GABRA2: variants seen among roughly 807,000 people sequenced by gnomAD.
GABRA2 encodes gamma-aminobutyric acid type A receptor subunit alpha2.
A neutral mutation model predicts 48.7 loss-of-function variants in GABRA2; 16 were observed. The ratio of observed to expected loss-of-function variants is 0.33; its 90% confidence interval spans 0.22 to 0.50. GABRA2 has a LOEUF of 0.50. Ranked by LOEUF, GABRA2 falls within the 20% of genes least tolerant of loss-of-function variation. GABRA2 has a pLI of 0.98. For synonymous variants in GABRA2, 185 were observed against 184.5 expected, an observed-to-expected ratio of 1.00 and a Z score of -0.02; for missense variants, 275 against 535.6, an observed-to-expected ratio of 0.51 and a Z score of 4.80.
chr4:46,359,251 A>G (rs1712743960), intron 3 of GABRA2, among the ~76,000 whole-genome samples: 1 of 152,168 alleles, frequency 6.6e-6, no homozygotes, highest in Non-Finnish European at 1.5e-5. Flanking sequence ...ACCTAACACT[A>G]TCCAACACAT....
At chr4:46,328,848 A>G (rs1730847677) in intron 4 of GABRA2, among the ~76,000 whole-genome samples, 1 of 152,022 alleles carries the variant, frequency 6.6e-6, no homozygotes, top group Non-Finnish European at 1.5e-5. Flanking sequence ...TTGCCTCCTT[A>G]CTTATCTTGA....
intron 8 of GABRA2, among the ~76,000 whole-genome samples, chr4:46,278,057 T>C: frequency 6.6e-6 from 1 of 152,186 alleles, no homozygotes; most frequent in East Asian, 1.9e-4. Flanking sequence ...TAAGAAGTAG[T>C]TTTGTATACA....
intron 4 of GABRA2, among the ~76,000 whole-genome samples, chr4:46,319,299 G>A (rs1038534481): frequency 6.6e-6 from 1 of 151,570 alleles, no homozygotes; most frequent in African/African-American, 2.4e-5. Context: ...GACTGTTCCT[G>A]GAGTGATTTC....
At position 46,248,998 on chromosome 4, in the gene GABRA2, T is replaced by A. The variant is rs957917215; in HGVS notation, c.*1310A>T. ...TACCCATTAATAACTAGTAATTATA[T>A]AAAATTTAAAATTGTGTTTTCTAAT... On this transcript the variant is annotated 3_prime_UTR_variant, in exon 10 of 10. Coordinates refer to ENST00000381620, the MANE Select transcript of GABRA2 (RefSeq NM_000807.4). 12 of 150,042 alleles carry A rather than the reference T, an allele frequency of 8.0e-5. No homozygotes were observed. Among genetic ancestry groups the A allele is most frequent in the African/African-American group, 2.9e-4 (12 of 40,856 alleles). The allele number at this position is 150,042 out of a possible 1,614,324, so 9.3% of individuals were successfully genotyped here.
intron 4 of GABRA2, 104 bp downstream of exon 4, chr4:46,332,511 G>A (rs534100626): frequency 1.2e-4 from 81 of 686,228 alleles, no homozygotes; most frequent in Middle Eastern, 3.4e-4. Context: ...AAATAGACAT[G>A]AGACATATAC....
chr4:46,311,729 T>C (rs1204784646), intron 5 of GABRA2, among the ~76,000 whole-genome samples: 3 of 152,210 alleles, frequency 2.0e-5, no homozygotes, highest in East Asian at 3.9e-4. Flanking sequence ...CTTGTAAGCC[T>C]TATTAAATGA....
intron 3 of GABRA2, among the ~76,000 whole-genome samples, chr4:46,351,452 G>A (rs1300086553): frequency 6.6e-6 from 1 of 151,932 alleles, no homozygotes; most frequent in Non-Finnish European, 1.5e-5. Flanking sequence ...CTTAAACTCA[G>A]CATTCTTTGC....
intron 9 of GABRA2, among the ~76,000 whole-genome samples, chr4:46,257,088 G>C (rs1221685511): frequency 6.6e-6 from 1 of 151,488 alleles, no homozygotes; most frequent in Admixed American, 6.6e-5. Flanking sequence ...TGATGAATAA[G>C]GCAAAATATT....
At chr4:46,355,736 T>A (rs1735852487) in intron 3 of GABRA2, among the ~76,000 whole-genome samples, 1 of 152,148 alleles carries the variant, frequency 6.6e-6, no homozygotes, top group South Asian at 2.1e-4. Context: ...GGAAAATACA[T>A]TACAATCTAA....
chr4:46,390,142 T>C, upstream of GABRA2: 2 of 726,756 alleles, frequency 2.8e-6, no homozygotes, highest in Non-Finnish European at 3.3e-6. Flanking sequence ...GGAGGAGGAG[T>C]CAGGCCGGGT....
intron 8 of GABRA2, among the ~76,000 whole-genome samples, chr4:46,268,283 G>A (rs1324069380): frequency 6.6e-6 from 1 of 151,798 alleles, no homozygotes; most frequent in East Asian, 1.9e-4. Context: ...GAAAAAATTT[G>A]CAAGTCACAC....
At chr4:46,282,624 A>T (rs565085313) in intron 8 of GABRA2, among the ~76,000 whole-genome samples, 3 of 152,276 alleles carry the variant, frequency 2.0e-5, no homozygotes, top group Admixed American at 6.5e-5. Context: ...TCCTGCCCAG[A>T]TCTGTTTTTC....
chr4:46,330,963 T>A (rs1052145260), intron 4 of GABRA2, among the ~76,000 whole-genome samples: 2 of 152,020 alleles, frequency 1.3e-5, no homozygotes, highest in African/African-American at 4.8e-5. Context: ...CAAAATTATA[T>A]CTATAGCCAA....
chr4:46,250,592 C>G lies in GABRA2; in HGVS notation c.1072G>C (p.Ala358Pro), dbSNP rs1386965673. The change falls in exon 10 of 10, where the codon GCT becomes CCT. Residue 358 changes from alanine to proline, a missense_variant. Physicochemically the swap from Ala to Pro is conservative, Grantham distance 27 (BLOSUM62 -1). Around this residue, in one of 4 missense-constraint regions of GABRA2, gnomAD observed 99 missense variants for 124.3 expected, o/e 0.80. Coordinates refer to ENST00000381620, the MANE Select transcript of GABRA2 (RefSeq NM_000807.4). The stretch of plus-strand genomic sequence containing the variant: ...GCGTTGTTCTGTATCATAACGGAAG[C>G]CTTTTCTTTTTTCTATTGAAAAATA... ...SVVNDKKKEKASVMIQNNAYA... is the reference protein window; with the variant it reads ...SVVNDKKKEKPSVMIQNNAYA... 5 of 1,584,674 alleles carry G rather than the reference C, an allele frequency of 3.2e-6. No homozygotes were observed. The highest frequency in any genetic ancestry group is 1.4e-5 in the African/African-American group (1 of 73,010).
intron 9 of GABRA2, chr4:46,261,005 C>A (rs1015324993): frequency 2.0e-5 from 3 of 151,724 alleles, no homozygotes; most frequent in Non-Finnish European, 4.4e-5. Flanking sequence ...TATGTTAATC[C>A]AAATTTAATA....
intron 3 of GABRA2, among the ~76,000 whole-genome samples, chr4:46,375,041 G>A (rs1715481830): frequency 6.6e-6 from 1 of 152,114 alleles, no homozygotes; most frequent in African/African-American, 2.4e-5. Context: ...TAGAGAAGGT[G>A]AAATAGATTT....
At chr4:46,310,313 T>C in intron 5 of GABRA2, 58 bp from the exon 6 acceptor site, 1 of 1,215,734 alleles carries the variant, frequency 8.2e-7, no homozygotes. Flanking sequence ...GAAAAATCAC[T>C]CGTCATTACT....
At chr4:46,383,421 T>G (rs1717027401) in intron 3 of GABRA2, among the ~76,000 whole-genome samples, 1 of 152,184 alleles carries the variant, frequency 6.6e-6, no homozygotes, top group Admixed American at 6.5e-5. Context: ...ATATGGGTAG[T>G]CCCATTTTCC....
intron 8 of GABRA2, among the ~76,000 whole-genome samples, chr4:46,285,181 TTTA>T (rs1276286531): frequency 3.9e-5 from 6 of 152,066 alleles, no homozygotes; most frequent in Non-Finnish European, 8.8e-5. Flanking sequence ...AGAATATTTA[TTTA>T]TTTATTTACA....
Sources: allele counts gnomAD v4.1 joint callset (sites outside exome capture counted in the v4.1 genomes callset), GRCh38; gene constraint gnomAD v4.1.1; regional missense constraint gnomAD v4.1.1; transcripts MANE v1.5; gene names NCBI Gene and HGNC (gene_info 2026-07-23, HGNC 2026-07-21).